SLC2A14: variants seen among roughly 807,000 people sequenced by gnomAD.
The protein encoded by SLC2A14 is solute carrier family 2, facilitated glucose transporter member 14.
In SLC2A14, 13 loss-of-function variants were observed where a neutral mutation model predicts 43.0. That is an observed-to-expected ratio of 0.30 (90% CI 0.20 to 0.48). The LOEUF is 0.48. Among genes scored for constraint, SLC2A14 ranks in the 20% least tolerant of loss-of-function variants. SLC2A14 has a pLI of 0.99. For missense variants in SLC2A14, 428 were observed against 620.4 expected (o/e 0.69, Z 3.29); for synonymous variants, 190 against 233.8 (o/e 0.81, Z 1.71).
At chr12:7,820,523 A>G (rs141859986) in intron 8 of SLC2A14, among the ~76,000 whole-genome samples, 26 of 152,280 alleles carry the variant, frequency 1.7e-4, no homozygotes, top group Admixed American at 1.6e-3. Flanking sequence ...ACACCTAGAT[A>G]GTGTCCACTA....
intron 2 of SLC2A14, among the ~76,000 whole-genome samples, chr12:7,841,391 G>C (rs1030822326): frequency 2.0e-5 from 3 of 152,064 alleles, no homozygotes; most frequent in East Asian, 1.9e-4. Flanking sequence ...CTCCCAAGCA[G>C]CTGGGATTAC....
At position 7,831,692 on chromosome 12, in the gene SLC2A14, T is replaced by C. The variant is rs200297164; in HGVS notation, c.184A>G (p.Asn62Asp). ...ATGGCCACAGACAAGGACCAGAGAT[T>C]CGTGAGCAGCACCTCAGAGGGAGGG... ...NAPPSEVLLT[N>D]LWSLSVAIFS... The change falls in exon 4 of 11, where the codon AAT becomes GAT. Residue 62 changes from asparagine (N) to aspartate (D), a missense_variant. Physicochemically the swap from Asn to Asp is conservative, Grantham distance 23. Transcript: ENST00000431042. 8.7e-6 allele frequency: 14 copies of C among 1,614,092 alleles called. No homozygotes were observed. Among genetic ancestry groups the C allele is most frequent in the Non-Finnish European group, 1.2e-5 (14 of 1,180,038 alleles).
At chr12:7,869,814 A>G (rs745483819) in intron 2 of SLC2A14, 49 bp downstream of exon 2, 28 of 1,205,234 alleles carry the variant, frequency 2.3e-5, no homozygotes, top group Non-Finnish European at 3.2e-5. Context: ...GATTATCAAC[A>G]TAACTCTGAC....
At chr12:7,877,825 C>G (rs1945488986), upstream of SLC2A14, among the ~76,000 whole-genome samples, 1 of 152,068 alleles carries the variant, frequency 6.6e-6, no homozygotes, top group Non-Finnish European at 1.5e-5. Flanking sequence ...TCACTACAAC[C>G]TCCACCTCCC....
intron 2 of SLC2A14, among the ~76,000 whole-genome samples, chr12:7,844,951 T>G (rs7132415): frequency 0.5 from 76,466 of 151,904 alleles, 19,272 homozygotes; most frequent in Middle Eastern, 0.62. Context: ...ACTTTTGTGG[T>G]AAGTAAGTAA....
chr12:7,881,887 C>T (rs957155142), intron 1 of SLC2A14, among the ~76,000 whole-genome samples: 2 of 152,144 alleles, frequency 1.3e-5, no homozygotes, highest in Admixed American at 6.6e-5. Context: ...TCAATTGACA[C>T]TCTCTATCTA....
At position 7,881,214 on chromosome 12, in the gene SLC2A14, T is replaced by C. The variant is rs1329970255; in HGVS notation, c.132+9782A>G. Among the ~76,000 whole-genome samples, 3 of 152,086 alleles carry C rather than the reference T, an allele frequency of 2.0e-5. No homozygotes were observed. In the East Asian group the frequency reaches 5.8e-4, roughly 29 times the overall value. Reference sequence around the variant, plus strand: ...AGCCCTTCAGCCCCCTGCTGCACTATGGGAGCCCCTTCCTGGGCTGGCCTA... The same window carrying C: ...AGCCCTTCAGCCCCCTGCTGCACTACGGGAGCCCCTTCCTGGGCTGGCCTA... On this transcript the variant is annotated intron_variant, in intron 1 of 9. Transcript: ENST00000539924.
chr12:7,877,793 G>T (rs1169081222), upstream of SLC2A14, among the ~76,000 whole-genome samples: 2 of 151,940 alleles, frequency 1.3e-5, no homozygotes, highest in Non-Finnish European at 2.9e-5. Flanking sequence ...GTCTCACTTA[G>T]TTGGCCAAGC....
intron 9 of SLC2A14, 102 bp downstream of exon 9, chr12:7,819,380 T>C (rs1029727839): frequency 9.8e-6 from 15 of 1,537,420 alleles, no homozygotes; most frequent in African/African-American, 6.9e-5. Flanking sequence ...TCTGACTTTA[T>C]TGACAAACTG....
chr12:7,818,163 A>G, intron 9 of SLC2A14, 129 bp from the exon 10 acceptor site: 1 of 815,790 alleles, frequency 1.2e-6, no homozygotes, highest in Non-Finnish European at 1.9e-6. Context: ...TGTGGAATCA[A>G]AAGGCTTGGA....
At chr12:7,887,383 G>A (rs925044847) in intron 1 of SLC2A14, among the ~76,000 whole-genome samples, 6 of 152,118 alleles carry the variant, frequency 3.9e-5, no homozygotes, top group African/African-American at 1.2e-4. Flanking sequence ...CCTATTCAGT[G>A]GTGAAGCCCA....
chr12:7,867,408 C>T (rs1487833189), intron 2 of SLC2A14, among the ~76,000 whole-genome samples: 2 of 151,154 alleles, frequency 1.3e-5, no homozygotes, highest in East Asian at 3.9e-4. Flanking sequence ...GGGTTCAAGA[C>T]TTAAGTGGAG....
chr12:7,881,551 G>C (rs1175826805), intron 1 of SLC2A14, among the ~76,000 whole-genome samples: 1 of 152,142 alleles, frequency 6.6e-6, no homozygotes, highest in Non-Finnish European at 1.5e-5. Flanking sequence ...AGCCCGCCAT[G>C]CCTGAGCCTC....
At chr12:7,826,907 T>TTCTTTC (rs1864470148) in intron 7 of SLC2A14, among the ~76,000 whole-genome samples, 1 of 63,152 alleles carries the variant, frequency 1.6e-5, no homozygotes, top group African/African-American at 8.4e-5. Flanking sequence ...CTTTCTTTCT[T>TTCTTTC]TCTTTCTTTT....
At position 7,869,855 on chromosome 12, in the gene SLC2A14, A is replaced by G. The variant is rs771703761; in HGVS notation, c.18+8T>C. 1.2e-4 allele frequency: 181 copies of G among 1,486,588 alleles called. 1 individual carries two copies. The highest frequency in any genetic ancestry group is 1.6e-4 in the Non-Finnish European group (180 of 1,102,180). The allele number at this position is 1,486,588 out of a possible 1,614,324, so 92.1% of individuals were successfully genotyped here. A position where few individuals can be genotyped will look rare whatever the true frequency, so the allele number is the denominator to read the frequency against. On this transcript the variant is annotated splice_region_variant and intron_variant, in intron 2 of 10. Coordinates refer to ENST00000431042, the MANE Select transcript of SLC2A14 (RefSeq NM_001286234.2). ...AATTTGATATCTGACATCAGTTTTA[A>G]TACTCACATTCTGTCTGTTGTCCAT...
intron 7 of SLC2A14, among the ~76,000 whole-genome samples, chr12:7,825,049 T>C (rs1037717086): frequency 6.6e-6 from 1 of 152,138 alleles, no homozygotes; most frequent in Non-Finnish European, 1.5e-5. Flanking sequence ...GACTCTGGAT[T>C]CAGCTGACTC....
chr12:7,889,423 C>T lies in SLC2A14; in HGVS notation c.132+1573G>A, dbSNP rs143898437. 5.6e-3 allele frequency among the ~76,000 whole-genome samples: 838 copies of T among 150,656 alleles called. 19 individuals carry two copies. The highest frequency in any genetic ancestry group is 0.019 in the African/African-American group (797 of 40,970). ...GCTAATTTTGTATTTTTAGTAGAGA[C>T]GGGTTTCTCCATGTTGGTCAGGCTG... On this transcript the variant is annotated intron_variant, in intron 1 of 9. Transcript: ENST00000539924.
chr12:7,854,291 T>A (rs2120948081), intron 2 of SLC2A14, among the ~76,000 whole-genome samples: 1 of 152,166 alleles, frequency 6.6e-6, no homozygotes, highest in South Asian at 2.1e-4. Flanking sequence ...TATTCAGGAT[T>A]TTTCTCTTTC....
intron 2 of SLC2A14, among the ~76,000 whole-genome samples, chr12:7,855,154 T>A (rs1867255993): frequency 6.6e-6 from 1 of 152,254 alleles, no homozygotes; most frequent in South Asian, 2.1e-4. Context: ...GAGCATCATC[T>A]GTCCAGTCTT....
Sources: gnomAD v4.1 joint callset for allele counts (sites outside exome capture counted in the v4.1 genomes callset) on GRCh38, gnomAD v4.1.1 for gene constraint, MANE v1.5 for transcripts, NCBI Gene and HGNC (gene_info 2026-07-23, HGNC 2026-07-21) for gene names.